Variants in SLC9A9 observed in about 807,000 individuals in gnomAD.
The protein encoded by SLC9A9 is solute carrier family 9 member A9.
SLC9A9 carries 62 observed loss-of-function variants against 77.8 expected under a neutral mutation model. The observed-to-expected ratio is 0.80, with a 90% confidence interval of 0.65 to 0.98. The LOEUF is 0.98. Ranked by LOEUF, SLC9A9 falls within the 50% of genes least tolerant of loss-of-function variation. SLC9A9 has a pLI of 0.00. For synonymous variants in SLC9A9, 320 were observed against 283.5 expected, an observed-to-expected ratio of 1.13 and a Z score of -1.29; for missense variants, 775 against 774.9, an observed-to-expected ratio of 1.00 and a Z score of 0.00.
chr3:143,428,441 T>C (rs974141071), intron 12 of SLC9A9, among the ~76,000 whole-genome samples: 3 of 152,204 alleles, frequency 2.0e-5, no homozygotes, highest in African/African-American at 7.2e-5. Context: ...GAAAAAATGC[T>C]GGCAAGGATG....
intron 11 of SLC9A9, among the ~76,000 whole-genome samples, chr3:143,480,227 A>G (rs1287498722): frequency 3.9e-5 from 6 of 152,254 alleles, no homozygotes; most frequent in Non-Finnish European, 7.3e-5. Context: ...AAAATGCAAG[A>G]GCAGGTAATT....
chr3:143,686,665 A>G (rs1349483960), intron 5 of SLC9A9, among the ~76,000 whole-genome samples: 1 of 152,162 alleles, frequency 6.6e-6, no homozygotes, highest in Non-Finnish European at 1.5e-5. Context: ...CCGATATGAA[A>G]GGAGATTTCC....
intron 4 of SLC9A9, among the ~76,000 whole-genome samples, chr3:143,739,539 T>C (rs1423446363): frequency 1.3e-5 from 2 of 152,250 alleles, no homozygotes; most frequent in Non-Finnish European, 2.9e-5. Flanking sequence ...AATTGTCACT[T>C]ATTTACAAAG....
intron 14 of SLC9A9, among the ~76,000 whole-genome samples, chr3:143,306,403 T>G (rs973715594): frequency 1.3e-5 from 2 of 152,214 alleles, no homozygotes; most frequent in African/African-American, 4.8e-5. Context: ...AAGGTAACAT[T>G]TGAATCTATC....
chr3:143,394,638 A>G (rs964337853), intron 12 of SLC9A9, among the ~76,000 whole-genome samples: 2 of 152,194 alleles, frequency 1.3e-5, no homozygotes, highest in Non-Finnish European at 2.9e-5. Context: ...AGGGTATTCA[A>G]TTAGGAAAAG....
chr3:143,643,803 G>A (rs2038659745), intron 6 of SLC9A9, among the ~76,000 whole-genome samples: 1 of 151,956 alleles, frequency 6.6e-6, no homozygotes, highest in South Asian at 2.1e-4. Context: ...TGGATTCCAT[G>A]TCACTGGTCA....
chr3:143,434,783 G>A (rs564568245), intron 12 of SLC9A9, among the ~76,000 whole-genome samples: 19 of 152,126 alleles, frequency 1.2e-4, no homozygotes, highest in Admixed American at 5.2e-4. Context: ...CCTGACTGGG[G>A]AACTAAATCC....
chr3:143,718,092 GAA>G (rs142744329), intron 4 of SLC9A9, among the ~76,000 whole-genome samples: 5,183 of 146,444 alleles, frequency 0.035, 289 homozygotes, highest in African/African-American at 0.12. Flanking sequence ...AGTTAAACAG[GAA>G]AAAAAAAAAA....
chr3:143,738,389 C>G (rs1253260944), intron 4 of SLC9A9, among the ~76,000 whole-genome samples: 5 of 152,160 alleles, frequency 3.3e-5, no homozygotes, highest in Admixed American at 3.3e-4. Flanking sequence ...TTGACTTCCC[C>G]CTCTAGCCGT....
chr3:143,306,444 T>A (rs917283240), intron 14 of SLC9A9, among the ~76,000 whole-genome samples: 1 of 152,234 alleles, frequency 6.6e-6, no homozygotes, highest in East Asian at 1.9e-4. Context: ...TTAAATGAGA[T>A]AATGCATGCA....
At chr3:143,581,668 G>C (rs931898357) in intron 6 of SLC9A9, among the ~76,000 whole-genome samples, 2 of 152,194 alleles carry the variant, frequency 1.3e-5, no homozygotes, top group Admixed American at 6.5e-5. Context: ...CGATCATGTT[G>C]TGGGGAAACA....
At chr3:143,522,043 C>A (rs1464143946) in intron 9 of SLC9A9, among the ~76,000 whole-genome samples, 1 of 152,064 alleles carries the variant, frequency 6.6e-6, no homozygotes, top group African/African-American at 2.4e-5. Flanking sequence ...ACTGTTTTAG[C>A]CAGTTGTTCC....
At chr3:143,764,646 A>G (rs1027294391) in intron 4 of SLC9A9, among the ~76,000 whole-genome samples, 2 of 152,138 alleles carry the variant, frequency 1.3e-5, no homozygotes, top group African/African-American at 4.8e-5. Flanking sequence ...GGCTCATTGT[A>G]GCTTTGAACT....
chr3:143,804,190 A>G (rs972317594), intron 2 of SLC9A9, among the ~76,000 whole-genome samples: 1 of 152,176 alleles, frequency 6.6e-6, no homozygotes, highest in Non-Finnish European at 1.5e-5. Context: ...CCAGCTCCAT[A>G]TTACAGATAA....
intron 5 of SLC9A9, among the ~76,000 whole-genome samples, chr3:143,686,510 C>T (rs1359771458): frequency 6.6e-6 from 1 of 151,974 alleles, no homozygotes; most frequent in African/African-American, 2.4e-5. Context: ...GACAGTTGAG[C>T]ATAGACCTGA....
chr3:143,655,680 G>GGACACA (rs2038876754), intron 5 of SLC9A9: 1 of 547,194 alleles, frequency 1.8e-6, no homozygotes, highest in Non-Finnish European at 2.0e-6. Flanking sequence ...ACATGCACAT[G>GGACACA]TACACACACA....
intron 6 of SLC9A9, among the ~76,000 whole-genome samples, chr3:143,614,686 G>A (rs781586012): frequency 8.5e-5 from 13 of 152,106 alleles, no homozygotes; most frequent in Non-Finnish European, 1.5e-5. Flanking sequence ...CCACAGTTAG[G>A]AAATCAGAAA....
chr3:143,295,947 A>G (rs1411515899), intron 14 of SLC9A9, among the ~76,000 whole-genome samples: 1 of 152,012 alleles, frequency 6.6e-6, no homozygotes, highest in Non-Finnish European at 1.5e-5. Context: ...ACTTTCTGGT[A>G]TTGTGGATCT....
At chr3:143,530,534 T>C (rs1042888003) in intron 9 of SLC9A9, among the ~76,000 whole-genome samples, 1 of 152,140 alleles carries the variant, frequency 6.6e-6, no homozygotes, top group African/African-American at 2.4e-5. Flanking sequence ...GTGTTGGGTA[T>C]GTCTTTATCA....
Sources: gnomAD v4.1 joint callset for allele counts (sites outside exome capture counted in the v4.1 genomes callset) on GRCh38, gnomAD v4.1.1 for gene constraint, MANE v1.5 for transcripts, NCBI Gene and HGNC (gene_info 2026-07-23, HGNC 2026-07-21) for gene names.